APPL1: variants seen among roughly 807,000 people sequenced by gnomAD.
The protein encoded by APPL1 is DCC-interacting protein 13-alpha.
A neutral mutation model predicts 106.8 loss-of-function variants in APPL1; 42 were observed. The observed-to-expected ratio is 0.39, with a 90% confidence interval of 0.31 to 0.51. APPL1 has a LOEUF of 0.51. APPL1 is among the 20% of genes least tolerant of loss of function. APPL1 has a pLI of 0.75. For missense variants in APPL1, 769 were observed against 858.2 expected (o/e 0.90, Z 1.30); for synonymous variants, 263 against 281.8 (o/e 0.93, Z 0.67).
At chr3:57,257,467 G>GT in intron 15 of APPL1, 39 bp downstream of exon 15, 1 of 1,514,346 alleles carries the variant, frequency 6.6e-7, no homozygotes, top group East Asian at 2.3e-5. Flanking sequence ...GCTGTGGTCT[G>GT]TAAGGCTTAT....
chr3:57,265,937 C>T (rs2060892488), intron 19 of APPL1, among the ~76,000 whole-genome samples: 1 of 152,108 alleles, frequency 6.6e-6, no homozygotes, highest in Admixed American at 6.5e-5. Flanking sequence ...GCATTTTCAG[C>T]AGTAATTGAA....
chr3:57,234,951 G>A (rs9867328), intron 1 of APPL1, among the ~76,000 whole-genome samples: 10,681 of 152,044 alleles, frequency 0.07, 1,255 homozygotes, highest in African/African-American at 0.24. Context: ...TACTGTGCTC[G>A]GCCTAAAATG....
At chr3:57,244,175 A>G (rs1422398978) in intron 7 of APPL1, among the ~76,000 whole-genome samples, 1 of 145,902 alleles carries the variant, frequency 6.9e-6, no homozygotes, top group Non-Finnish European at 1.5e-5. Flanking sequence ...TTTTTTTTTG[A>G]GACAGGGCCT....
chr3:57,265,124 C>A (rs1396297753), intron 19 of APPL1, among the ~76,000 whole-genome samples: 1 of 151,832 alleles, frequency 6.6e-6, no homozygotes, highest in Non-Finnish European at 1.5e-5. Context: ...CAATTTCTTT[C>A]ATCAGTGTTT....
chr3:57,263,008 C>T (rs865905938), intron 19 of APPL1, among the ~76,000 whole-genome samples: 2 of 151,858 alleles, frequency 1.3e-5, no homozygotes, highest in African/African-American at 2.4e-5. Flanking sequence ...TGCGCCACCA[C>T]GCCCAGCTAA....
At chr3:57,248,106 T>TA in intron 9 of APPL1, 87 bp from the exon 10 acceptor site, 2 of 1,383,082 alleles carry the variant, frequency 1.4e-6, no homozygotes, top group East Asian at 2.4e-5. Flanking sequence ...TAAGAAAACA[T>TA]ACCCGAAACA....
chr3:57,234,881 T>C (rs1251978985), intron 1 of APPL1, among the ~76,000 whole-genome samples: 1 of 152,020 alleles, frequency 6.6e-6, no homozygotes, highest in Non-Finnish European at 1.5e-5. Flanking sequence ...GGTCTCAATC[T>C]CCTGACCTCA....
At chr3:57,255,646 T>C (rs528633411) in intron 13 of APPL1, among the ~76,000 whole-genome samples, 7 of 152,328 alleles carry the variant, frequency 4.6e-5, no homozygotes, top group Non-Finnish European at 1.0e-4. Flanking sequence ...TGTAACATAT[T>C]TATTACAATT....
chr3:57,230,710 C>T (rs559047254), intron 1 of APPL1: 104 of 437,208 alleles, frequency 2.4e-4, no homozygotes, highest in African/African-American at 2.1e-3. Context: ...ACTATTTTAT[C>T]TAGAATAGAG....
Position 57,270,946 on chromosome 3 carries a change from C to G in APPL1, c.*1259C>G, listed in dbSNP as rs1321801231. On this transcript the variant is annotated 3_prime_UTR_variant, in exon 22 of 22. Transcript: ENST00000288266. The stretch of plus-strand genomic sequence containing the variant: ...CTACTGCCTATTGTTTATGTTAAAC[C>G]TTAATTTTTTTTCTGTAATCACTTT... The G allele has an allele frequency of 6.6e-6, 1 of 151,888 alleles. No individual in the cohort carries two copies. The highest frequency in any genetic ancestry group is 2.4e-5 in the African/African-American group (1 of 41,360). The allele number at this position is 151,888 out of a possible 1,614,324, so 9.4% of individuals were successfully genotyped here.
chr3:57,252,065 G>A (rs2060808204), intron 11 of APPL1, among the ~76,000 whole-genome samples: 1 of 152,120 alleles, frequency 6.6e-6, no homozygotes, highest in South Asian at 2.1e-4. Flanking sequence ...GGCATAGATA[G>A]TCAAAGTCAG....
intron 4 of APPL1, among the ~76,000 whole-genome samples, chr3:57,240,147 A>G (rs1443461210): frequency 8.4e-6 from 1 of 119,118 alleles, no homozygotes; most frequent in Non-Finnish European, 1.8e-5. Flanking sequence ...TTTTTTTTTC[A>G]CTTTCTTGAT....
At chr3:57,262,296 C>T (rs766700868) in intron 19 of APPL1, among the ~76,000 whole-genome samples, 28 of 139,914 alleles carry the variant, frequency 2.0e-4, no homozygotes, top group African/African-American at 5.3e-5. Context: ...CTTTTGAGGT[C>T]TTAGGCATAA....
intron 12 of APPL1, among the ~76,000 whole-genome samples, chr3:57,252,776 C>T (rs1377487333): frequency 6.6e-6 from 1 of 152,088 alleles, no homozygotes; most frequent in Non-Finnish European, 1.5e-5. Flanking sequence ...TCCTCATGAG[C>T]CTTTTATTTT....
At chr3:57,238,736 G>A (rs112007513) in intron 4 of APPL1, among the ~76,000 whole-genome samples, 7 of 152,082 alleles carry the variant, frequency 4.6e-5, no homozygotes, top group African/African-American at 9.6e-5. Context: ...ATGTTTTACC[G>A]GGAAATCAAG....
intron 19 of APPL1, among the ~76,000 whole-genome samples, chr3:57,267,325 A>G (rs2060899746): frequency 6.6e-6 from 1 of 152,184 alleles, no homozygotes; most frequent in African/African-American, 2.4e-5. Flanking sequence ...TTCTGACTCT[A>G]CAGACCCATG....
chr3:57,244,611 C>T (rs1331492093), intron 7 of APPL1, among the ~76,000 whole-genome samples: 1 of 151,970 alleles, frequency 6.6e-6, no homozygotes, highest in Non-Finnish European at 1.5e-5. Context: ...TACTCTGTGA[C>T]AATAAAGGAA....
chr3:57,253,540 T>G, intron 12 of APPL1, 142 bp from the exon 13 acceptor site: 1 of 497,340 alleles, frequency 2.0e-6, no homozygotes, highest in Non-Finnish European at 3.1e-6. Flanking sequence ...ATGAAACATC[T>G]GTTATGAAAT....
At chr3:57,266,186 G>A (rs564759734) in intron 19 of APPL1, among the ~76,000 whole-genome samples, 2 of 152,222 alleles carry the variant, frequency 1.3e-5, no homozygotes, top group South Asian at 2.1e-4. Context: ...TCTGGTTTTG[G>A]TATCAGGTAA....
Sources: allele counts gnomAD v4.1 joint callset (sites outside exome capture counted in the v4.1 genomes callset), GRCh38; gene constraint gnomAD v4.1.1; transcripts MANE v1.5; gene names NCBI Gene and HGNC (gene_info 2026-07-23, HGNC 2026-07-21).